Variants in NECTIN2 observed in about 807,000 individuals in gnomAD.
NECTIN2 encodes nectin-2.
In NECTIN2, 23 loss-of-function variants were observed where a neutral mutation model predicts 56.9. The ratio of observed to expected loss-of-function variants is 0.40; its 90% CI spans 0.29 to 0.57. The LOEUF (loss-of-function observed/expected upper bound fraction) is 0.57, where lower values mean the gene tolerates loss of function less well. Among genes scored for constraint, NECTIN2 ranks in the 20% least tolerant of loss-of-function variants. NECTIN2 has a pLI of 0.38. For missense variants in NECTIN2, 587 were observed against 718.3 expected, an observed-to-expected ratio of 0.82 and a Z score of 2.09; for synonymous variants, 302 against 313.8, an observed-to-expected ratio of 0.96 and a Z score of 0.40.
chr19:44,878,969 C>T (rs977163299), intron 5 of NECTIN2: 1 of 1,020,454 alleles, frequency 9.8e-7, no homozygotes, highest in Non-Finnish European at 1.2e-6. Context: ...ATCAGACCCC[C>T]TCCTTGCATG....
At chr19:44,864,582 A>T (rs1015463237) in intron 1 of NECTIN2, among the ~76,000 whole-genome samples, 8 of 152,116 alleles carry the variant, frequency 5.3e-5, no homozygotes, top group Non-Finnish European at 8.8e-5. Context: ...GCACTTTGGG[A>T]GGCTGAGGCA....
chr19:44,857,682 G>A (rs368363838), intron 1 of NECTIN2, among the ~76,000 whole-genome samples: 2 of 150,732 alleles, frequency 1.3e-5, no homozygotes, highest in Admixed American at 6.6e-5. Flanking sequence ...GATTACAGGC[G>A]TGAGCCATCG....
chr19:44,862,191 G>C (rs1180819452), intron 1 of NECTIN2, among the ~76,000 whole-genome samples: 1 of 152,166 alleles, frequency 6.6e-6, no homozygotes, highest in Non-Finnish European at 1.5e-5. Flanking sequence ...CGAGGCGGCG[G>C]ATCACGAGGT....
In NECTIN2 at chr19:44,885,977, G is replaced by A; in HGVS notation, c.1237G>A (p.Ala413Thr). The change falls in exon 7 of 9, where the codon GCG becomes ACG. Residue 413 changes from alanine to threonine, a missense_variant. By Grantham distance (58) the Ala-to-Thr change is moderately conservative. Transcript: ENST00000252483. ...PPSYKPPTPK[A>T]KLEAQEMPSQ... ...CTCCTACAAGCCACCGACCCCAAAAGCGAAGCTGGAGGCACAGGAGATGGT... is the reference window on the plus strand; with the variant it reads ...CTCCTACAAGCCACCGACCCCAAAAACGAAGCTGGAGGCACAGGAGATGGT... 2 of 1,604,412 alleles carry A rather than the reference G, an allele frequency of 1.2e-6. No individual in the cohort carries two copies. Among genetic ancestry groups the A allele is most frequent in the African/African-American group, 1.3e-5 (1 of 74,772 alleles).
chr19:44,859,825 CAA>C (rs35459524), intron 1 of NECTIN2, among the ~76,000 whole-genome samples: 96 of 124,230 alleles, frequency 7.7e-4, no homozygotes, highest in Non-Finnish European at 4.9e-4. Flanking sequence ...ACTCCGTCTC[CAA>C]AAAAAAAAAA....
chr19:44,884,168 ATTTG>A (rs1364702654), intron 6 of NECTIN2, among the ~76,000 whole-genome samples: 2 of 151,982 alleles, frequency 1.3e-5, no homozygotes, highest in Admixed American at 6.6e-5. Context: ...GCTATGCAAA[ATTTG>A]TTTTTTTGAG....
At chr19:44,870,972 T>C (rs568710058) in intron 2 of NECTIN2, among the ~76,000 whole-genome samples, 2 of 152,256 alleles carry the variant, frequency 1.3e-5, no homozygotes, top group African/African-American at 4.8e-5. Context: ...TCAGGTGATC[T>C]GCCCACCTGG....
chr19:44,872,882 AT>A (rs1969193809), intron 3 of NECTIN2, among the ~76,000 whole-genome samples: 1 of 147,598 alleles, frequency 6.8e-6, no homozygotes, highest in African/African-American at 2.5e-5. Flanking sequence ...ATATTTTGTC[AT>A]TATTTATTAT....
chr19:44,872,284 TGTC>T (rs1387635172), intron 3 of NECTIN2, 135 bp downstream of exon 3: 4 of 897,110 alleles, frequency 4.5e-6, no homozygotes, highest in Non-Finnish European at 6.7e-6. Flanking sequence ...TTCCTGCCAT[TGTC>T]TACACTGGCT....
chr19:44,856,790 C>T (rs906115624), intron 1 of NECTIN2, among the ~76,000 whole-genome samples: 3 of 152,184 alleles, frequency 2.0e-5, no homozygotes, highest in African/African-American at 7.2e-5. Context: ...CCCCAGGAGC[C>T]ACATATCCGG....
chr19:44,869,610 G>A (rs387465), intron 2 of NECTIN2, among the ~76,000 whole-genome samples: 103,184 of 133,084 alleles, frequency 0.78, 39,907 homozygotes, highest in East Asian at 0.88. Context: ...AAAAAAAAAA[G>A]AAAAGAAAAT....
intron 2 of NECTIN2, among the ~76,000 whole-genome samples, chr19:44,867,489 G>A (rs1476809392): frequency 6.6e-6 from 1 of 152,218 alleles, no homozygotes; most frequent in Non-Finnish European, 1.5e-5. Context: ...GCGAGACCCT[G>A]TCTTAAAACA....
Position 44,888,199 on chromosome 19 carries a change from G to A in NECTIN2, c.1437G>A (p.Pro479=), listed in dbSNP as rs376513870. Reference sequence around the variant, plus strand: ...CCACAAGCCTGGGGTCCCCCATCCCGGTGCCTCCAGGGCCACCTGCTGTGG... The same window carrying A: ...CCACAAGCCTGGGGTCCCCCATCCCAGTGCCTCCAGGGCCACCTGCTGTGG... ...PGATSLGSPI[P]VPPGPPAVED... is the part of the protein sequence containing the mutation. The change falls in exon 9 of 9, where the codon CCG becomes CCA. Residue 479 remains proline (P), a synonymous_variant. Coordinates refer to ENST00000252483, the MANE Select transcript of NECTIN2 (RefSeq NM_001042724.2). The A allele has an allele frequency of 7.6e-5, 123 of 1,614,114 alleles. No homozygotes were observed. The highest frequency in any genetic ancestry group is 6.7e-4 in the African/African-American group (50 of 75,012).
intron 8 of NECTIN2, 110 bp from the exon 9 acceptor site, chr19:44,888,000 C>G (rs1433378686): frequency 1.7e-6 from 2 of 1,206,274 alleles, no homozygotes; most frequent in Non-Finnish European, 2.4e-6. Context: ...GAGGTGGCAT[C>G]TTGTTGGCAT....
rs1299283019 is a variant in NECTIN2, at chr19:44,873,937, C to T, written c.797C>T (p.Ser266Phe). ...CCAGACCCTCCTGAAGTGTCCATCTCCGGCTATGATGACAACTGGTACCTC... is the reference window on the plus strand; with the variant it reads ...CCAGACCCTCCTGAAGTGTCCATCTTCGGCTATGATGACAACTGGTACCTC... ...SVRYPPEVSI[S>F]GYDDNWYLGR... Residue 266 changes from serine (S) to phenylalanine (F), a missense_variant, in exon 4 of 9, where the codon TCC becomes TTC. By Grantham distance (155) the Ser-to-Phe change is radical (BLOSUM62 -2). Coordinates refer to ENST00000252483, the MANE Select transcript of NECTIN2 (RefSeq NM_001042724.2). The T allele has an allele frequency of 6.2e-7, 1 of 1,614,046 alleles. No homozygotes were observed. Among genetic ancestry groups the T allele is most frequent in the East Asian group, 2.2e-5 (1 of 44,874 alleles).
chr19:44,885,292 G>C lies in NECTIN2; in HGVS notation c.1197-645G>C, dbSNP rs540839174. ...ATTACAGGCGTGAGCCACCACGCCT[G>C]GCTGATCTTTCTTTCTTTTTTTTTT... On this transcript the variant is annotated intron_variant, in intron 6 of 8. Transcript: ENST00000252483. Among the ~76,000 whole-genome samples the C allele has an allele frequency of 2.9e-5, 4 of 138,998 alleles. No homozygotes were observed. In the East Asian group the frequency reaches 8.9e-4, roughly 31 times the overall value. 91.2% of individuals were successfully genotyped at this position (138,998 alleles called of 152,430 possible). A position where few individuals can be genotyped will look rare whatever the true frequency, so the allele number is the denominator to read the frequency against.
At chr19:44,876,643 A>G (rs1426051173) in intron 5 of NECTIN2, among the ~76,000 whole-genome samples, 1 of 152,212 alleles carries the variant, frequency 6.6e-6, no homozygotes, top group East Asian at 1.9e-4. Context: ...ATCCAGGCAC[A>G]CACAGAGTCG....
rs948559546 is a variant in NECTIN2, at chr19:44,872,229, G to C, written c.775+80G>C. ...CTAAAGCACTGTCTACATTGTCTCT[G>C]AATGTTGTCTACGTGGGTTCCCTGA... is the stretch of plus-strand genomic sequence containing the variant. On this transcript the variant is annotated intron_variant, in intron 3 of 8. Coordinates refer to ENST00000252483, the MANE Select transcript of NECTIN2 (RefSeq NM_001042724.2). The C allele has an allele frequency of 8.0e-6, 12 of 1,500,966 alleles. No individual in the cohort carries two copies. The African/African-American group carries it at 1.7e-4, about 21-fold the overall frequency. 93.0% of individuals were successfully genotyped at this position (1,500,966 alleles called of 1,614,324 possible). A position where few individuals can be genotyped will look rare whatever the true frequency, so the allele number is the denominator to read the frequency against.
chr19:44,882,401 G>A lies in NECTIN2; in HGVS notation c.1196+37G>A, dbSNP rs897802850. ...GCCCTGAGACGGGGATGGGAGAGGG[G>A]TCGAAGAACTGAGGAGTATGGGGTA... On this transcript the variant is annotated intron_variant, in intron 6 of 8. Coordinates refer to ENST00000252483, the MANE Select transcript of NECTIN2 (RefSeq NM_001042724.2). 2.2e-6 allele frequency: 3 copies of A among 1,357,252 alleles called. No homozygotes were observed. In the East Asian group the frequency reaches 8.8e-5, roughly 40 times the overall value. 84.1% of individuals were successfully genotyped at this position (1,357,252 alleles called of 1,614,324 possible). A position where few individuals can be genotyped will look rare whatever the true frequency, so the allele number is the denominator to read the frequency against.
Sources: allele counts gnomAD v4.1 joint callset (sites outside exome capture counted in the v4.1 genomes callset), GRCh38; gene constraint gnomAD v4.1.1; transcripts MANE v1.5; gene names NCBI Gene and HGNC (gene_info 2026-07-23, HGNC 2026-07-21).